Variants in SYT14 observed in about 807,000 individuals in gnomAD.
SYT14 encodes the protein synaptotagmin-14.
Under a neutral mutation model 74.2 loss-of-function variants are expected in SYT14, and 32 were observed. That is an observed-to-expected ratio of 0.43 (90% CI 0.33 to 0.58). The LOEUF is 0.58. SYT14 is among the 20% of genes least tolerant of loss of function. SYT14 has a pLI of 0.05. For synonymous variants in SYT14, 298 were observed against 337.7 expected (o/e 0.88, Z 1.29); for missense variants, 791 against 981.8 (o/e 0.81, Z 2.60).
intron 7 of SYT14, among the ~76,000 whole-genome samples, chr1:210,105,335 A>T (rs1380304775): frequency 6.6e-6 from 1 of 152,158 alleles, no homozygotes; most frequent in Non-Finnish European, 1.5e-5. Flanking sequence ...CACTCTGTTG[A>T]ACTCAGGTGT....
At chr1:210,009,005 A>G (rs1430349893) in intron 2 of SYT14, among the ~76,000 whole-genome samples, 1 of 152,200 alleles carries the variant, frequency 6.6e-6, no homozygotes, top group Non-Finnish European at 1.5e-5. Flanking sequence ...ATACCCTAAC[A>G]ATAGCTGATG....
At chr1:210,018,971 A>G (rs369521829) in intron 4 of SYT14, among the ~76,000 whole-genome samples, 1 of 151,972 alleles carries the variant, frequency 6.6e-6, no homozygotes, top group African/African-American at 2.4e-5. Context: ...CCCCGTCTCT[A>G]CTAAAAATAC....
intron 2 of SYT14, among the ~76,000 whole-genome samples, chr1:209,961,369 A>T (rs935180691): frequency 1.3e-5 from 2 of 152,196 alleles, no homozygotes; most frequent in Admixed American, 6.5e-5. Context: ...TGTCCAGAGT[A>T]GAAGAACAAT....
At chr1:210,129,858 A>T (rs1195297334) in intron 7 of SYT14, among the ~76,000 whole-genome samples, 1 of 152,200 alleles carries the variant, frequency 6.6e-6, no homozygotes. Flanking sequence ...AAAGATGCTC[A>T]GGCTCCCACT....
chr1:210,020,528 G>C (rs577028245), intron 4 of SYT14, among the ~76,000 whole-genome samples: 4 of 152,106 alleles, frequency 2.6e-5, no homozygotes, highest in Non-Finnish European at 5.9e-5. Flanking sequence ...GTCCATTGCT[G>C]TATTTTACTG....
At chr1:210,092,877 A>C (rs2081900992) in intron 5 of SYT14, among the ~76,000 whole-genome samples, 1 of 152,230 alleles carries the variant, frequency 6.6e-6, no homozygotes, top group Non-Finnish European at 1.5e-5. Context: ...TACAACATTT[A>C]CATAGCATTC....
At chr1:210,164,842 C>T (rs879844692) in exon 10 of SYT14, 8 of 152,100 alleles carry the variant, frequency 5.3e-5, no homozygotes, top group Non-Finnish European at 8.8e-5. Context: ...CATTCACTGT[C>T]CTCAGTTCCT....
At chr1:209,951,973 G>C (rs1468022471) in intron 1 of SYT14, among the ~76,000 whole-genome samples, 1 of 152,058 alleles carries the variant, frequency 6.6e-6, no homozygotes, top group Non-Finnish European at 1.5e-5. Flanking sequence ...GGTACTTCTG[G>C]GGCACAAAGT....
exon 4 of SYT14, chr1:210,016,589 G>C: frequency 8.1e-7 from 1 of 1,231,914 alleles, no homozygotes. Flanking sequence ...AGGATATCAA[G>C]AAATGAAAGG....
At chr1:210,125,270 C>T (rs2082547143) in intron 7 of SYT14, among the ~76,000 whole-genome samples, 1 of 143,940 alleles carries the variant, frequency 6.9e-6, no homozygotes, top group Non-Finnish European at 1.5e-5. Context: ...TTTATGTGTA[C>T]CCATTATTTA....
intron 5 of SYT14, among the ~76,000 whole-genome samples, chr1:210,065,736 TTTA>T (rs772143213): frequency 2.2e-4 from 33 of 152,120 alleles, no homozygotes; most frequent in Admixed American, 3.9e-4. Flanking sequence ...TAAATTTAAT[TTTA>T]TTATTATTTA....
intron 2 of SYT14, among the ~76,000 whole-genome samples, chr1:209,979,172 C>T (rs1363521253): frequency 6.6e-6 from 1 of 152,214 alleles, no homozygotes; most frequent in East Asian, 1.9e-4. Context: ...CGATGCCTCG[C>T]CCTGCTTTGG....
At chr1:210,090,802 T>C (rs533390721) in intron 5 of SYT14, among the ~76,000 whole-genome samples, 2 of 152,232 alleles carry the variant, frequency 1.3e-5, no homozygotes, top group African/African-American at 4.8e-5. Context: ...ATCAATTACA[T>C]TTAAGCCAAC....
chr1:210,054,766 T>C (rs1015105642), intron 5 of SYT14, among the ~76,000 whole-genome samples: 4 of 152,182 alleles, frequency 2.6e-5, no homozygotes, highest in African/African-American at 4.8e-5. Flanking sequence ...TATCCTGCTT[T>C]TGTTGAGAAG....
intron 2 of SYT14, among the ~76,000 whole-genome samples, chr1:209,986,912 A>G (rs911739868): frequency 6.6e-6 from 1 of 152,134 alleles, no homozygotes; most frequent in Non-Finnish European, 1.5e-5. Flanking sequence ...ATGAGCCACC[A>G]TACCCGACCC....
intron 7 of SYT14, among the ~76,000 whole-genome samples, chr1:210,105,854 CCTCTCTCA>C (rs945785845): frequency 1.3e-5 from 2 of 152,086 alleles, no homozygotes; most frequent in African/African-American, 4.8e-5. Flanking sequence ...TCCCCCTCTC[CCTCTCTCA>C]CTCTTGCTCT....
chr1:210,109,691 A>G (rs182016417), intron 7 of SYT14, among the ~76,000 whole-genome samples: 13 of 152,338 alleles, frequency 8.5e-5, no homozygotes, highest in African/African-American at 3.1e-4. Context: ...TAGTTCAGCC[A>G]TTGTGGAAGA....
chr1:210,004,272 C>G (rs1163414222), intron 2 of SYT14, among the ~76,000 whole-genome samples: 14 of 151,948 alleles, frequency 9.2e-5, no homozygotes, highest in Admixed American at 9.2e-4. Context: ...CTTAGTGTAT[C>G]TTTCTTTCTT....
exon 10 of SYT14, chr1:210,169,464 T>TA (rs1478383737): frequency 6.6e-6 from 1 of 151,982 alleles, no homozygotes; most frequent in Non-Finnish European, 1.5e-5. Flanking sequence ...AGCTAGAAAT[T>TA]AATGGTGATA....
Sources: allele counts gnomAD v4.1 joint callset (sites outside exome capture counted in the v4.1 genomes callset), GRCh38; gene constraint gnomAD v4.1.1; transcripts MANE v1.5; gene names NCBI Gene and HGNC (gene_info 2026-07-23, HGNC 2026-07-21).